Variants in SAMD5 observed in about 807,000 individuals in gnomAD.
The protein encoded by SAMD5 is sterile alpha motif domain containing 5.
SAMD5 carries 13 observed loss-of-function variants against 11.3 expected under a neutral mutation model. The ratio of observed to expected loss-of-function variants is 1.15; its 90% CI spans 0.75 to 1.83. The LOEUF (loss-of-function observed/expected upper bound fraction) is 1.83, where lower values mean the gene tolerates loss of function less well. SAMD5 is among the 40% of genes most tolerant of loss of function. SAMD5 has a pLI of 0.00. For missense variants in SAMD5, 255 were observed against 239.1 expected (o/e 1.07, Z -0.44); for synonymous variants, 129 against 111.3 (o/e 1.16, Z -1.00).
the SAMD5 span, among the ~76,000 whole-genome samples, chr6:147,770,317 C>T: frequency 3.3e-5 from 5 of 152,076 alleles, no homozygotes; most frequent in African/African-American, 1.2e-4. Context: ...AAAGGATCAC[C>T]TTTCCACGTA....
the SAMD5 span, among the ~76,000 whole-genome samples, chr6:147,798,387 A>T: frequency 6.7e-6 from 1 of 150,014 alleles, no homozygotes; most frequent in East Asian, 2.0e-4. Context: ...TTTGAGTGAG[A>T]TTCTTAATCC....
chr6:147,822,960 G>A, the SAMD5 span, among the ~76,000 whole-genome samples: 1 of 149,738 alleles, frequency 6.7e-6, no homozygotes, highest in African/African-American at 2.5e-5. Flanking sequence ...GATTACAGGT[G>A]CCCACCACTG....
chr6:147,898,592 T>C, the SAMD5 span, among the ~76,000 whole-genome samples: 1 of 152,358 alleles, frequency 6.6e-6, no homozygotes, highest in South Asian at 2.1e-4. Flanking sequence ...GTTTGCTTTT[T>C]AAATTTCTGA....
chr6:147,643,884 A>G (rs1175599706), intron 1 of SAMD5, among the ~76,000 whole-genome samples: 1 of 152,170 alleles, frequency 6.6e-6, no homozygotes, highest in Non-Finnish European at 1.5e-5. Flanking sequence ...GCAGGAAAGA[A>G]AGAAATGATA....
chr6:147,651,566 C>A (rs990406697), intron 1 of SAMD5, among the ~76,000 whole-genome samples: 2 of 152,124 alleles, frequency 1.3e-5, no homozygotes, highest in African/African-American at 2.4e-5. Flanking sequence ...AGCTCCTGGC[C>A]CTTTCCACCG....
At chr6:147,709,095 C>T (rs1791362630) in intron 1 of SAMD5, among the ~76,000 whole-genome samples, 2 of 152,078 alleles carry the variant, frequency 1.3e-5, no homozygotes, top group African/African-American at 4.8e-5. Flanking sequence ...GCCAAGTTAC[C>T]CTTTTTAACT....
chr6:147,515,836 T>TA (rs1050715008), intron 1 of SAMD5, among the ~76,000 whole-genome samples: 3 of 152,146 alleles, frequency 2.0e-5, no homozygotes, highest in Non-Finnish European at 4.4e-5. Context: ...TTCAAATGTT[T>TA]AAAAAAATCA....
chr6:147,529,536 T>C (rs999122626), intron 1 of SAMD5, among the ~76,000 whole-genome samples: 2 of 152,302 alleles, frequency 1.3e-5, no homozygotes, highest in South Asian at 4.2e-4. Context: ...CTAAGATATA[T>C]AGTATGATTG....
chr6:147,792,142 A>G, the SAMD5 span, among the ~76,000 whole-genome samples: 1 of 152,204 alleles, frequency 6.6e-6, no homozygotes, highest in African/African-American at 2.4e-5. Context: ...TAAATTTATG[A>G]AACAACGTTA....
At chr6:147,725,453 A>G (rs1441564474) in intron 1 of SAMD5, among the ~76,000 whole-genome samples, 1 of 149,774 alleles carries the variant, frequency 6.7e-6, no homozygotes, top group African/African-American at 2.5e-5. Context: ...CAGTGGCTCA[A>G]TCTCAGCTCG....
the SAMD5 span, among the ~76,000 whole-genome samples, chr6:147,904,954 T>C: frequency 2.0e-5 from 3 of 151,724 alleles, no homozygotes; most frequent in Non-Finnish European, 2.9e-5. Context: ...GATGGTGCGA[T>C]CTCGGCTCAC....
At chr6:147,578,654 C>T (rs1409538383) in intron 1 of SAMD5, among the ~76,000 whole-genome samples, 1 of 152,006 alleles carries the variant, frequency 6.6e-6, no homozygotes, top group Non-Finnish European at 1.5e-5. Context: ...GGTTGTAGGT[C>T]ATGTTAGGTA....
chr6:147,730,764 C>A (rs151303164), intron 1 of SAMD5, among the ~76,000 whole-genome samples: 1 of 152,080 alleles, frequency 6.6e-6, no homozygotes, highest in African/African-American at 2.4e-5. Flanking sequence ...AAGGAGAAAG[C>A]AGAGACAACC....
At chr6:147,619,754 G>A (rs910374911) in intron 1 of SAMD5, among the ~76,000 whole-genome samples, 1 of 152,152 alleles carries the variant, frequency 6.6e-6, no homozygotes, top group African/African-American at 2.4e-5. Flanking sequence ...CATCATCATG[G>A]TTACCCTGTG....
chr6:147,799,655 G>C, the SAMD5 span, among the ~76,000 whole-genome samples: 1 of 151,542 alleles, frequency 6.6e-6, no homozygotes, highest in Non-Finnish European at 1.5e-5. Flanking sequence ...ATAATATCCT[G>C]AAGAGTGTTT....
chr6:147,554,539 AG>A (rs1387038128), intron 1 of SAMD5, among the ~76,000 whole-genome samples: 2 of 152,142 alleles, frequency 1.3e-5, no homozygotes, highest in Non-Finnish European at 2.9e-5. Context: ...TCACTTCAAA[AG>A]CTCTTGTGAT....
chr6:147,725,351 G>A (rs1209604051), intron 1 of SAMD5, among the ~76,000 whole-genome samples: 1 of 151,334 alleles, frequency 6.6e-6, no homozygotes, highest in Non-Finnish European at 1.5e-5. Context: ...TCTTGTGGGG[G>A]GTGGACTAGC....
intron 1 of SAMD5, among the ~76,000 whole-genome samples, chr6:147,594,594 A>G (rs1023982204): frequency 2.0e-5 from 3 of 151,758 alleles, no homozygotes; most frequent in African/African-American, 7.2e-5. Context: ...TAGAGTTATG[A>G]TGACAGAAGT....
chr6:147,805,933 A>T, the SAMD5 span, among the ~76,000 whole-genome samples: 1 of 152,158 alleles, frequency 6.6e-6, no homozygotes, highest in Non-Finnish European at 1.5e-5. Flanking sequence ...TGAGCTTGCA[A>T]TGCTGTTAGG....
Sources: allele counts gnomAD v4.1 joint callset (sites outside exome capture counted in the v4.1 genomes callset), GRCh38; gene constraint gnomAD v4.1.1; transcripts MANE v1.5; gene names NCBI Gene and HGNC (gene_info 2026-07-23, HGNC 2026-07-21).